Variants in DNAAF4 observed in about 807,000 individuals in gnomAD.
DNAAF4 encodes dynein axonemal assembly factor 4.
Under a neutral mutation model 51.8 loss-of-function variants are expected in DNAAF4, and 43 were observed. The observed-to-expected ratio is 0.83, with a 90% CI of 0.65 to 1.07. The LOEUF (loss-of-function observed/expected upper bound fraction) is 1.07, where lower values mean the gene tolerates loss of function less well. DNAAF4 is among the 50% of genes least tolerant of loss of function. The pLI is 0.00. For synonymous variants in DNAAF4, 194 were observed against 165.6 expected (o/e 1.17, Z -1.32); for missense variants, 581 against 493.0 (o/e 1.18, Z -1.69).
intron 1 of DNAAF4, among the ~76,000 whole-genome samples, chr15:55,505,948 C>T (rs973906646): frequency 6.6e-6 from 1 of 152,066 alleles, no homozygotes; most frequent in Non-Finnish European, 1.5e-5. Context: ...ACATTTTATC[C>T]AGAAAGGGGG....
At chr15:55,426,183 A>G (rs1199045735), downstream of DNAAF4, among the ~76,000 whole-genome samples, 1 of 152,152 alleles carries the variant, frequency 6.6e-6, no homozygotes. Flanking sequence ...TTATTGAGCT[A>G]GGTGGTGCCA....
At chr15:55,465,449 C>T (rs2058157031) in intron 5 of DNAAF4, among the ~76,000 whole-genome samples, 1 of 151,288 alleles carries the variant, frequency 6.6e-6, no homozygotes, top group Admixed American at 6.6e-5. Flanking sequence ...TGGAATGCTA[C>T]TCAGCCATAA....
At chr15:55,464,082 A>G (rs1288918295) in intron 5 of DNAAF4, among the ~76,000 whole-genome samples, 1 of 152,218 alleles carries the variant, frequency 6.6e-6, no homozygotes, top group Non-Finnish European at 1.5e-5. Flanking sequence ...AGTTACCAAA[A>G]CAGTATAGTA....
At chr15:55,442,079 C>T (rs2057723183) in intron 6 of DNAAF4, among the ~76,000 whole-genome samples, 1 of 152,126 alleles carries the variant, frequency 6.6e-6, no homozygotes, top group Non-Finnish European at 1.5e-5. Flanking sequence ...CTCCAGTCCG[C>T]AGTGGAGCAG....
intron 8 of DNAAF4, among the ~76,000 whole-genome samples, chr15:55,432,840 C>T (rs969633558): frequency 2.0e-5 from 3 of 151,522 alleles, no homozygotes; most frequent in African/African-American, 7.3e-5. Context: ...GTCCTAGCTA[C>T]TTGGGAGGCT....
intron 8 of DNAAF4, among the ~76,000 whole-genome samples, chr15:55,434,262 A>G (rs1455401003): frequency 6.6e-6 from 1 of 150,614 alleles, no homozygotes; most frequent in African/African-American, 2.4e-5. Context: ...TTATTCATTC[A>G]TTCAACAAAT....
At chr15:55,433,858 A>ATATAATT (rs1567000285) in intron 8 of DNAAF4, among the ~76,000 whole-genome samples, 2,068 of 44,836 alleles carry the variant, frequency 0.046, 543 homozygotes, top group Non-Finnish European at 0.07. Context: ...TATATATTAT[A>ATATAATT]ATATATATTA....
intron 9 of DNAAF4, among the ~76,000 whole-genome samples, chr15:55,432,232 T>C (rs2057507900): frequency 6.6e-6 from 1 of 152,202 alleles, no homozygotes; most frequent in African/African-American, 2.4e-5. Flanking sequence ...ATTACAGGCA[T>C]GAGCATCTGC....
At chr15:55,479,180 G>A (rs2058375216) in intron 4 of DNAAF4, among the ~76,000 whole-genome samples, 2 of 151,164 alleles carry the variant, frequency 1.3e-5, no homozygotes, top group Non-Finnish European at 2.9e-5. Flanking sequence ...TTGGCTGGTA[G>A]ACACTAAGCA....
intron 4 of DNAAF4, among the ~76,000 whole-genome samples, chr15:55,481,242 C>A (rs2058405874): frequency 6.6e-6 from 1 of 152,098 alleles, no homozygotes; most frequent in Admixed American, 6.6e-5. Context: ...TATATCTTTT[C>A]CTAGAGGGAA....
At chr15:55,486,580 T>G (rs2058492485) in intron 4 of DNAAF4, among the ~76,000 whole-genome samples, 1 of 152,090 alleles carries the variant, frequency 6.6e-6, no homozygotes, top group Non-Finnish European at 1.5e-5. Flanking sequence ...TATCTATTCT[T>G]TGTTCCTGCT....
At chr15:55,500,204 G>T (rs2058688290) in intron 1 of DNAAF4, among the ~76,000 whole-genome samples, 1 of 152,082 alleles carries the variant, frequency 6.6e-6, no homozygotes, top group Admixed American at 6.6e-5. Context: ...AGGAGCAACA[G>T]ACTTGAAGAG....
intron 7 of DNAAF4, among the ~76,000 whole-genome samples, chr15:55,436,090 A>AT (rs1313860687): frequency 3.9e-5 from 6 of 152,022 alleles, no homozygotes; most frequent in Non-Finnish European, 7.4e-5. Context: ...GCCCGGCCCT[A>AT]TTTTTACTTT....
intron 3 of DNAAF4, among the ~76,000 whole-genome samples, chr15:55,497,099 G>A (rs2058650626): frequency 6.6e-6 from 1 of 152,046 alleles, no homozygotes; most frequent in African/African-American, 2.4e-5. Flanking sequence ...GTTCTAAGCG[G>A]CCTACATCCC....
intron 3 of DNAAF4, chr15:55,495,006 T>C (rs1324064051): frequency 6.6e-6 from 1 of 152,020 alleles, no homozygotes; most frequent in Non-Finnish European, 1.5e-5. Flanking sequence ...TAAAATACTA[T>C]CTGGTCCTTT....
intron 4 of DNAAF4, 119 bp downstream of exon 4, chr15:55,491,004 T>C (rs1404691596): frequency 1.7e-6 from 2 of 1,186,602 alleles, no homozygotes; most frequent in Non-Finnish European, 2.4e-6. Context: ...TATAACATAG[T>C]AAGTCCTCTA....
At chr15:55,470,907 G>T (rs1457653043) in intron 4 of DNAAF4, among the ~76,000 whole-genome samples, 1 of 143,836 alleles carries the variant, frequency 7.0e-6, no homozygotes, top group African/African-American at 2.6e-5. Context: ...GCTGGAGAGT[G>T]CAGTGGCACA....
chr15:55,488,418 CTATT>C (rs1439837223), intron 4 of DNAAF4, among the ~76,000 whole-genome samples: 1 of 152,158 alleles, frequency 6.6e-6, no homozygotes, highest in Non-Finnish European at 1.5e-5. Context: ...CCTTTTGTTA[CTATT>C]TGCTCTTACT....
At chr15:55,469,440 C>T (rs552953892) in intron 4 of DNAAF4, among the ~76,000 whole-genome samples, 11 of 146,252 alleles carry the variant, frequency 7.5e-5, no homozygotes, top group South Asian at 4.3e-4. Flanking sequence ...ACTTCCATCA[C>T]GAAACTTGTG....
Sources: gnomAD v4.1 joint callset for allele counts (sites outside exome capture counted in the v4.1 genomes callset) on GRCh38, gnomAD v4.1.1 for gene constraint, MANE v1.5 for transcripts, NCBI Gene and HGNC (gene_info 2026-07-23, HGNC 2026-07-21) for gene names.